The following MBOAT2 variants were observed in gnomAD, a reference collection of about 807,000 sequenced individuals.
MBOAT2 encodes membrane bound glycerophospholipid O-acyltransferase 2, also known as membrane-bound glycerophospholipid O-acyltransferase 2.
MBOAT2 carries 28 observed loss-of-function variants against 63.4 expected under a neutral mutation model. The ratio of observed to expected loss-of-function variants is 0.44; its 90% CI spans 0.33 to 0.61. The LOEUF is 0.61. Among genes scored for constraint, MBOAT2 ranks in the 20% least tolerant of loss-of-function variants. MBOAT2 has a pLI of 0.03. For synonymous variants in MBOAT2, 211 were observed against 215.6 expected (o/e 0.98, Z 0.19); for missense variants, 470 against 605.8 (o/e 0.78, Z 2.35).
chr2:8,977,989 A>C (rs1355899937), intron 1 of MBOAT2, among the ~76,000 whole-genome samples: 1 of 152,090 alleles, frequency 6.6e-6, no homozygotes, highest in Non-Finnish European at 1.5e-5. Flanking sequence ...TCTGGACAAT[A>C]GCTCTTTAAG....
chr2:8,918,903 T>G (rs959313254), intron 3 of MBOAT2, among the ~76,000 whole-genome samples: 8 of 152,214 alleles, frequency 5.3e-5, no homozygotes, highest in African/African-American at 1.9e-4. Flanking sequence ...TGTGGTTACT[T>G]GCAGTAATCC....
intron 5 of MBOAT2, among the ~76,000 whole-genome samples, chr2:8,883,666 T>C (rs904279794): frequency 2.6e-5 from 4 of 152,200 alleles, no homozygotes; most frequent in Non-Finnish European, 5.9e-5. Flanking sequence ...GGAACTCACA[T>C]CATCTTGCTG....
At position 8,886,785 on chromosome 2, in the gene MBOAT2, G is replaced by A. The variant is rs577707604; in HGVS notation, c.451+1233C>T. Among the ~76,000 whole-genome samples the A allele has an allele frequency of 7.2e-5, 11 of 152,206 alleles. No homozygotes were observed. The South Asian group carries it at 2.1e-3, about 29-fold the overall frequency. ...GGACAAAATTATATCCTTGATCCACGACTTTCCTATATTCTCTTTCCAGTG... is the reference window on the plus strand; with the variant it reads ...GGACAAAATTATATCCTTGATCCACAACTTTCCTATATTCTCTTTCCAGTG... On this transcript the variant is annotated intron_variant, in intron 5 of 12. Transcript: ENST00000305997.
intron 1 of MBOAT2, among the ~76,000 whole-genome samples, chr2:8,997,036 G>C (rs755945502): frequency 5.3e-5 from 8 of 152,278 alleles, no homozygotes; most frequent in Admixed American, 2.6e-4. Context: ...TGCCTGTTCC[G>C]ATCTCCTGAA....
At chr2:8,896,887 T>G (rs1363334095) in intron 4 of MBOAT2, among the ~76,000 whole-genome samples, 1 of 151,360 alleles carries the variant, frequency 6.6e-6, no homozygotes, top group African/African-American at 2.4e-5. Flanking sequence ...GACCTTTGTA[T>G]GATAATTAAG....
At chr2:8,909,149 T>C (rs937562390) in intron 3 of MBOAT2, among the ~76,000 whole-genome samples, 1 of 152,246 alleles carries the variant, frequency 6.6e-6, no homozygotes, top group Admixed American at 6.5e-5. Flanking sequence ...CTTCTAAGTA[T>C]GAGTCGGGTG....
At chr2:8,922,166 T>C (rs527753191) in intron 3 of MBOAT2, among the ~76,000 whole-genome samples, 16 of 152,340 alleles carry the variant, frequency 1.1e-4, no homozygotes, top group African/African-American at 3.8e-4. Context: ...GCACTTATCA[T>C]GAATTTTTCA....
Position 8,858,320 on chromosome 2 carries a change from T to A in MBOAT2, c.*359A>T, listed in dbSNP as rs1661243775. ...AAGGCAAGACATTCATTTGGAAAAG[T>A]TAATTTCTCTCTATCATCCAGATTG... On this transcript the variant is annotated 3_prime_UTR_variant, in exon 13 of 13. Transcript: ENST00000305997. 5.5e-6 allele frequency: 1 copy of A among 181,578 alleles called. No homozygotes were observed. The highest frequency in any genetic ancestry group is 5.7e-5 in the Admixed American group (1 of 17,590). The allele number at this position is 181,578 out of a possible 1,614,324, so 11.2% of individuals were successfully genotyped here. A position where few individuals can be genotyped will look rare whatever the true frequency, so the allele number is the denominator to read the frequency against.
At chr2:8,861,678 A>G (rs139423942) in intron 11 of MBOAT2, among the ~76,000 whole-genome samples, 2 of 152,308 alleles carry the variant, frequency 1.3e-5, no homozygotes, top group East Asian at 3.9e-4. Flanking sequence ...CAAAGTCCAG[A>G]TCCAAACACC....
intron 1 of MBOAT2, among the ~76,000 whole-genome samples, chr2:8,959,650 A>C (rs1669477702): frequency 6.6e-6 from 1 of 151,972 alleles, no homozygotes; most frequent in Non-Finnish European, 1.5e-5. Context: ...TTTTGTAAAG[A>C]CAAAGTGTCA....
At chr2:8,936,443 A>C (rs1667662661) in intron 3 of MBOAT2, among the ~76,000 whole-genome samples, 1 of 152,230 alleles carries the variant, frequency 6.6e-6, no homozygotes, top group African/African-American at 2.4e-5. Flanking sequence ...GCAACCCATT[A>C]GATCTATGCA....
intron 4 of MBOAT2, among the ~76,000 whole-genome samples, chr2:8,899,187 T>A (rs894894882): frequency 1.3e-4 from 20 of 152,268 alleles, no homozygotes; most frequent in Middle Eastern, 3.4e-3. Flanking sequence ...CCTCTTCAAG[T>A]AGTGGACAAC....
At chr2:8,995,624 T>A (rs1426865149) in intron 1 of MBOAT2, among the ~76,000 whole-genome samples, 1 of 146,096 alleles carries the variant, frequency 6.8e-6, no homozygotes, top group East Asian at 2.0e-4. Flanking sequence ...GGAGTCTCGC[T>A]CTGTCACCCA....
intron 1 of MBOAT2, 94 bp from the exon 2 acceptor site, chr2:8,958,736 T>A (rs780884912): frequency 9.0e-5 from 113 of 1,257,886 alleles, no homozygotes; most frequent in Non-Finnish European, 1.2e-4. Flanking sequence ...AACACCAAGG[T>A]TACACAAAAA....
rs1383004162 is a variant in MBOAT2 at position 8,856,983 on chromosome 2, TA to T, written c.*1695del. The T allele has an allele frequency of 1.3e-5, 2 of 152,556 alleles. No homozygotes were observed. Among genetic ancestry groups the T allele is most frequent in the Non-Finnish European group, 2.9e-5 (2 of 68,038 alleles). The allele number at this position is 152,556 out of a possible 1,614,324, so 9.5% of individuals were successfully genotyped here. ...AAATAAAAATAGATTAGGATATTTC[TA>T]AACTTCAAAAAAGACACATGCCCAT... On this transcript the variant is annotated 3_prime_UTR_variant, in exon 13 of 13. Transcript: ENST00000305997. This position sits in a 1 kb window ranked among gnomAD's most constrained non-coding sequence, Gnocchi z 4.2.
intron 9 of MBOAT2, 30 bp downstream of exon 9, chr2:8,868,416 T>C (rs770400211): frequency 4.5e-6 from 7 of 1,572,406 alleles, no homozygotes; most frequent in African/African-American, 4.1e-5. Context: ...TTAAAGTATA[T>C]AGTAACTAAC....
At chr2:8,915,269 A>G (rs1045374875) in intron 3 of MBOAT2, among the ~76,000 whole-genome samples, 3 of 152,150 alleles carry the variant, frequency 2.0e-5, no homozygotes, top group Non-Finnish European at 4.4e-5. Flanking sequence ...TGTGGCTTGC[A>G]TTGTATTTCT....
At chr2:8,955,644 GAAT>G (rs1421654040) in intron 2 of MBOAT2, among the ~76,000 whole-genome samples, 2 of 152,174 alleles carry the variant, frequency 1.3e-5, no homozygotes, top group African/African-American at 4.8e-5. Context: ...TCAGAATTTA[GAAT>G]ATTACATAAA....
At position 9,003,541 on chromosome 2, in the gene MBOAT2, TG is replaced by T; in HGVS notation, c.73del (p.Gln25ArgfsTer5). On this transcript the variant is annotated frameshift_variant and splice_region_variant, in exon 1 of 13. Transcript: ENST00000305997. LOFTEE classifies it high-confidence loss of function. The surrounding 1 kb of genome is among the most constrained non-coding windows in gnomAD (Gnocchi z 5.4). ...CGGCGCCAGGGCGCCTCGGGGTACC[TG>T]GTCGATGGGCAGCTGCACGGCGTTG... is the stretch of plus-strand genomic sequence containing the variant. ...LSNAVQLPID[Q>X]VNFVVCQLFA... The T allele has an allele frequency of 8.2e-7, 1 of 1,212,726 alleles. No individual in the cohort carries two copies. The highest frequency in any genetic ancestry group is 3.1e-5 in the South Asian group (1 of 31,792). The allele number at this position is 1,212,726 out of a possible 1,614,324, so 75.1% of individuals were successfully genotyped here.
Sources: allele counts gnomAD v4.1 joint callset (sites outside exome capture counted in the v4.1 genomes callset), GRCh38; gene constraint gnomAD v4.1.1; non-coding constraint Gnocchi (gnomAD v3.1); transcripts MANE v1.5; gene names NCBI Gene and HGNC (gene_info 2026-07-23, HGNC 2026-07-21).